XXYLT1: variants seen among roughly 807,000 people sequenced by gnomAD.
XXYLT1 encodes the protein xyloside xylosyltransferase 1.
XXYLT1 carries 20 observed loss-of-function variants against 28.9 expected under a neutral mutation model. The ratio of observed to expected loss-of-function variants is 0.69; its 90% CI spans 0.49 to 1.00. The LOEUF is 1.00. Ranked by LOEUF, XXYLT1 falls within the 50% of genes least tolerant of loss-of-function variation. The pLI is 0.00. For synonymous variants in XXYLT1, 257 were observed against 253.8 expected, an observed-to-expected ratio of 1.01 and a Z score of -0.12; for missense variants, 542 against 560.1, an observed-to-expected ratio of 0.97 and a Z score of 0.33.
At chr3:195,091,106 GAACTGGTACCATTCC>G (rs1716108232) in intron 3 of XXYLT1, among the ~76,000 whole-genome samples, 1 of 145,206 alleles carries the variant, frequency 6.9e-6, no homozygotes, top group Non-Finnish European at 1.5e-5. Context: ...GTACAAGGAG[GAACTGGTACCATTCC>G]TTCTGAAACT....
intron 2 of XXYLT1, among the ~76,000 whole-genome samples, chr3:195,200,221 G>A (rs1338931566): frequency 2.6e-5 from 4 of 152,222 alleles, no homozygotes; most frequent in African/African-American, 9.6e-5. Context: ...CTGGAAAGCC[G>A]TGAAGCAGCG....
intron 1 of XXYLT1, among the ~76,000 whole-genome samples, chr3:195,246,285 G>A (rs945491804): frequency 6.6e-6 from 1 of 152,202 alleles, no homozygotes; most frequent in Non-Finnish European, 1.5e-5. Context: ...GAAGACCTGC[G>A]CAAAGGATCC....
intron 1 of XXYLT1, among the ~76,000 whole-genome samples, chr3:195,267,870 T>C (rs1725891897): frequency 1.3e-5 from 2 of 152,120 alleles, no homozygotes; most frequent in East Asian, 3.8e-4. Flanking sequence ...TCAGGAATAT[T>C]CCAAACCTGA....
Position 195,270,885 on chromosome 3 carries a change from G to A in XXYLT1, c.174C>T (p.Ala58=). ...FSSATKRLKE[A]RAGAPAAPSP... is the part of the protein sequence containing the mutation. ...AGGGCGCGGCGGGAGCCCCGGCGCG[G>A]GCCTCCTTCAGCCTCTTGGTGGCGC... The change falls in exon 1 of 4, where the codon GCC becomes GCT. Residue 58 remains alanine (A), a synonymous_variant. Transcript: ENST00000310380. 1 of 1,438,084 alleles carries A rather than the reference G, an allele frequency of 7.0e-7. No homozygotes were observed. Among genetic ancestry groups the A allele is most frequent in the Non-Finnish European group, 9.1e-7 (1 of 1,098,264 alleles). The allele number at this position is 1,438,084 out of a possible 1,614,324, so 89.1% of individuals were successfully genotyped here. A position where few individuals can be genotyped will look rare whatever the true frequency, so the allele number is the denominator to read the frequency against.
chr3:195,088,364 T>C (rs1715908242), intron 3 of XXYLT1, among the ~76,000 whole-genome samples: 1 of 147,824 alleles, frequency 6.8e-6, no homozygotes, highest in African/African-American at 2.4e-5. Context: ...CCTCCTCAAG[T>C]GGGTCCCTGA....
At chr3:195,154,210 A>C (rs78538157) in intron 3 of XXYLT1, 5,169 of 152,224 alleles carry the variant, frequency 0.034, 170 homozygotes, top group East Asian at 0.15. Flanking sequence ...GGATGCAGCC[A>C]GCGCCAGGGA....
At chr3:195,088,928 A>G (rs1359264102) in intron 3 of XXYLT1, among the ~76,000 whole-genome samples, 2 of 151,960 alleles carry the variant, frequency 1.3e-5, no homozygotes, top group African/African-American at 2.4e-5. Flanking sequence ...GGGTATCAGC[A>G]ATGGAAGATG....
At chr3:195,175,661 G>A (rs556454164) in intron 2 of XXYLT1, 7 of 1,536,162 alleles carry the variant, frequency 4.6e-6, no homozygotes, top group South Asian at 3.6e-5. Flanking sequence ...TCCTTGCAGC[G>A]AGGTGGCCAC....
intron 1 of XXYLT1, among the ~76,000 whole-genome samples, chr3:195,241,697 T>C (rs1236612572): frequency 1.3e-5 from 2 of 152,116 alleles, no homozygotes; most frequent in African/African-American, 4.8e-5. Flanking sequence ...CAGAACCTTC[T>C]GCCTGAATCC....
rs1031629165 is a variant in XXYLT1, at chr3:195,129,939, G to A, written c.785+26510C>T. ...TCATATTCCCACCACCAGTGAGTGC[G>A]GGTTCCCATGCCTCCAACTCCTCAC... On this transcript the variant is annotated intron_variant, in intron 3 of 3. Coordinates refer to ENST00000310380, the MANE Select transcript of XXYLT1 (RefSeq NM_152531.5). This position sits in a 1 kb window ranked among gnomAD's most constrained non-coding sequence, Gnocchi z 4.4. 6.6e-6 allele frequency among the ~76,000 whole-genome samples: 1 copy of A among 152,132 alleles called. No homozygotes were observed. The highest frequency in any genetic ancestry group is 2.4e-5 in the African/African-American group (1 of 41,432).
intron 3 of XXYLT1, among the ~76,000 whole-genome samples, chr3:195,099,830 C>CAAAAAAAAAAAAAAAAAAAAA (rs35428286): frequency 8.2e-5 from 8 of 97,220 alleles, no homozygotes; most frequent in African/African-American, 2.7e-4. Flanking sequence ...GACTCTGTCT[C>CAAAAAAAAAAAAAAAAAAAAA]AAAAAAAAAA....
intron 1 of XXYLT1, among the ~76,000 whole-genome samples, chr3:195,248,478 GAAC>G (rs560149201): frequency 1.3e-5 from 2 of 152,096 alleles, no homozygotes; most frequent in Non-Finnish European, 2.9e-5. Flanking sequence ...CCGCTTCCCT[GAAC>G]AACAACACCA....
rs190246312 is a variant in XXYLT1, at chr3:195,256,061, G to A, written c.504+14494C>T. On this transcript the variant is annotated intron_variant, in intron 1 of 3. Coordinates refer to ENST00000310380, the MANE Select transcript of XXYLT1 (RefSeq NM_152531.5). The surrounding 1 kb of genome is among the most constrained non-coding windows in gnomAD (Gnocchi z 4.2). ...AGCCAGCAGCAGGCACAGGGGCACC[G>A]TGGGAACCCTTCTGGTGGGGCCCCA... 2.0e-5 allele frequency among the ~76,000 whole-genome samples: 3 copies of A among 152,306 alleles called. No homozygotes were observed. The highest frequency in any genetic ancestry group is 4.4e-5 in the Non-Finnish European group (3 of 68,016).
intron 2 of XXYLT1, among the ~76,000 whole-genome samples, chr3:195,172,382 T>G (rs1388224506): frequency 2.0e-5 from 3 of 152,148 alleles, no homozygotes; most frequent in Admixed American, 2.0e-4. Flanking sequence ...GTGAGCACGG[T>G]CCCAGGTTCT....
intron 3 of XXYLT1, among the ~76,000 whole-genome samples, chr3:195,079,063 C>T (rs922105176): frequency 1.1e-4 from 16 of 152,238 alleles, no homozygotes; most frequent in African/African-American, 3.4e-4. Context: ...CTGACCCCTG[C>T]CCCCAGATGG....
intron 3 of XXYLT1, chr3:195,152,314 G>A (rs1720316056): frequency 6.6e-6 from 1 of 152,590 alleles, no homozygotes; most frequent in Admixed American, 6.5e-5. Context: ...ACCTGTCCAG[G>A]GGTTTAGCTC....
intron 3 of XXYLT1, among the ~76,000 whole-genome samples, chr3:195,154,707 G>A (rs988629599): frequency 1.3e-5 from 2 of 152,202 alleles, no homozygotes; most frequent in Admixed American, 6.5e-5. Context: ...CACACAGCAC[G>A]TTTGATCTCC....
chr3:195,221,443 T>C (rs528148363), intron 2 of XXYLT1, among the ~76,000 whole-genome samples: 1 of 152,324 alleles, frequency 6.6e-6, no homozygotes, highest in South Asian at 2.1e-4. Context: ...CAGTAGCGCT[T>C]AGCATAGGCT....
chr3:195,115,947 G>T lies in XXYLT1; in HGVS notation c.785+40502C>A, dbSNP rs926743771. Among the ~76,000 whole-genome samples the T allele has an allele frequency of 6.6e-6, 1 of 152,172 alleles. No homozygotes were observed. The highest frequency in any genetic ancestry group is 2.4e-5 in the African/African-American group (1 of 41,422). Reference sequence around the variant, plus strand: ...TAAGGAGCTGGGCCGCTCAGGAGATGGCAGGAAACTCAAGTCAGGCAGCTG... The same window carrying T: ...TAAGGAGCTGGGCCGCTCAGGAGATTGCAGGAAACTCAAGTCAGGCAGCTG... On this transcript the variant is annotated intron_variant, in intron 3 of 3. Coordinates refer to ENST00000310380, the MANE Select transcript of XXYLT1 (RefSeq NM_152531.5). The surrounding 1 kb of genome is among the most constrained non-coding windows in gnomAD (Gnocchi z 4.2).
Sources: gnomAD v4.1 joint callset for allele counts (sites outside exome capture counted in the v4.1 genomes callset) on GRCh38, gnomAD v4.1.1 for gene constraint, Gnocchi (gnomAD v3.1) non-coding constraint, MANE v1.5 for transcripts, NCBI Gene and HGNC (gene_info 2026-07-23, HGNC 2026-07-21) for gene names.